The following CPVL variants were observed in gnomAD, a reference collection of about 807,000 sequenced individuals.
The protein encoded by CPVL is carboxypeptidase vitellogenic like.
Under a neutral mutation model 63.7 loss-of-function variants are expected in CPVL, and 51 were observed. The ratio of observed to expected loss-of-function variants is 0.80; its 90% CI spans 0.64 to 1.01. The LOEUF (loss-of-function observed/expected upper bound fraction) is 1.01, where lower values mean the gene tolerates loss of function less well. Among genes scored for constraint, CPVL ranks in the 50% least tolerant of loss-of-function variants. CPVL has a pLI of 0.00. For synonymous variants in CPVL, 195 were observed against 206.0 expected (o/e 0.95, Z 0.46); for missense variants, 530 against 573.1 (o/e 0.92, Z 0.77).
intron 3 of CPVL, among the ~76,000 whole-genome samples, chr7:29,108,206 TC>T (rs1787911899): frequency 6.6e-6 from 1 of 152,134 alleles, no homozygotes; most frequent in Admixed American, 6.5e-5. Flanking sequence ...CAAGGTGGGG[TC>T]CTCCGTGAAG....
chr7:29,063,998 A>C lies in CPVL; in HGVS notation c.1137+63T>G, dbSNP rs950714818. ...AAAAAAAAGGCAGGACTCAAATTAC[A>C]AATCACTTCTGCTCTGGGTAATCTG... On this transcript the variant is annotated intron_variant, in intron 11 of 12. Transcript: ENST00000265394. 6 of 1,194,382 alleles carry C rather than the reference A, an allele frequency of 5.0e-6. 1 individual carries two copies. The South Asian group carries it at 8.4e-5, about 17-fold the overall frequency. The allele number at this position is 1,194,382 out of a possible 1,614,324, so 74.0% of individuals were successfully genotyped here.
chr7:29,079,091 T>G (rs1190940095), intron 7 of CPVL, among the ~76,000 whole-genome samples: 1 of 152,186 alleles, frequency 6.6e-6, no homozygotes, highest in East Asian at 1.9e-4. Flanking sequence ...AACTTAATGA[T>G]CAAAGCCAAG....
At chr7:29,026,559 T>C (rs551974131) in intron 12 of CPVL, among the ~76,000 whole-genome samples, 1 of 151,874 alleles carries the variant, frequency 6.6e-6, no homozygotes, top group African/African-American at 2.4e-5. Flanking sequence ...AGCCTGTTTT[T>C]AAAAAAGATA....
intron 10 of CPVL, 127 bp downstream of exon 10, chr7:29,065,896 T>C: frequency 1.8e-6 from 1 of 552,744 alleles, no homozygotes; most frequent in Non-Finnish European, 3.2e-6. Context: ...GTAGACCACA[T>C]CACGCGGTAC....
chr7:29,160,119 G>T (rs1390568678), intron 5 of CPVL, among the ~76,000 whole-genome samples: 1 of 152,120 alleles, frequency 6.6e-6, no homozygotes, highest in Non-Finnish European at 1.5e-5. Flanking sequence ...ACTTTCCTAA[G>T]ATCAACATGG....
At chr7:29,071,715 C>CCA in intron 9 of CPVL, 58 bp downstream of exon 9, 1 of 750,700 alleles carries the variant, frequency 1.3e-6, no homozygotes, top group Non-Finnish European at 2.1e-6. Context: ...GCTCACCCGC[C>CCA]CTCCCTCCCC....
At chr7:29,098,361 G>C (rs554190453) in intron 3 of CPVL, among the ~76,000 whole-genome samples, 1 of 152,144 alleles carries the variant, frequency 6.6e-6, no homozygotes, top group Non-Finnish European at 1.5e-5. Context: ...TTTGGAAAGG[G>C]GCCCAGGGGG....
intron 11 of CPVL, among the ~76,000 whole-genome samples, chr7:29,047,994 A>T (rs2128170761): frequency 6.6e-6 from 1 of 152,344 alleles, no homozygotes; most frequent in East Asian, 1.9e-4. Flanking sequence ...ACAGATGCTG[A>T]GAGAATTCAC....
chr7:29,147,591 C>T (rs545449423), upstream of CPVL, among the ~76,000 whole-genome samples: 1 of 152,276 alleles, frequency 6.6e-6, no homozygotes, highest in South Asian at 2.1e-4. Flanking sequence ...GTGTAAATCA[C>T]CCAGCACAAA....
In CPVL at chr7:29,133,201, A is replaced by C. The variant is rs147658542; in HGVS notation, c.-10-12130T>G. On this transcript the variant is annotated intron_variant, in intron 1 of 12. Coordinates refer to ENST00000265394, the MANE Select transcript of CPVL (RefSeq NM_031311.5). ...TCAGCAGTTTCTGAAGGCAAAAAAA[A>C]AAAAAACAAAAAACGCTGTTTTCTT... 2.6e-3 allele frequency among the ~76,000 whole-genome samples: 401 copies of C among 152,204 alleles called. 3 individuals are homozygous for C. The highest frequency in any genetic ancestry group is 9.0e-3 in the African/African-American group (373 of 41,538).
At position 29,050,582 on chromosome 7, in the gene CPVL, C is replaced by A. The variant is rs150469034; in HGVS notation, c.1137+13479G>T. 3.9e-5 allele frequency among the ~76,000 whole-genome samples: 6 copies of A among 151,970 alleles called. No individual in the cohort carries two copies. The East Asian group carries it at 9.6e-4, about 24-fold the overall frequency. On this transcript the variant is annotated intron_variant, in intron 11 of 12. Coordinates refer to ENST00000265394, the MANE Select transcript of CPVL (RefSeq NM_031311.5). The stretch of plus-strand genomic sequence containing the variant: ...ACTACAAAACACTGCTGAAAGAAAT[C>A]ATAAATACAAATAAACAAGACAAAT...
At chr7:29,135,097 T>C (rs1332596945) in intron 1 of CPVL, among the ~76,000 whole-genome samples, 107 of 85,128 alleles carry the variant, frequency 1.3e-3, no homozygotes, top group South Asian at 5.2e-3. Flanking sequence ...GAGAGAGACC[T>C]TGCCTCAAAA....
intron 3 of CPVL, among the ~76,000 whole-genome samples, chr7:29,102,194 G>A (rs1787211564): frequency 1.3e-5 from 2 of 152,210 alleles, no homozygotes; most frequent in South Asian, 4.1e-4. Flanking sequence ...CTGTGTTTCA[G>A]CGTCCTCTGA....
At chr7:29,139,480 T>C (rs540362142) in intron 1 of CPVL, among the ~76,000 whole-genome samples, 2 of 151,814 alleles carry the variant, frequency 1.3e-5, no homozygotes, top group African/African-American at 4.8e-5. Context: ...AACCTACACA[T>C]TTCTGTCAGT....
At chr7:29,175,985 G>A (rs151036767) in intron 5 of CPVL, among the ~76,000 whole-genome samples, 3,164 of 152,228 alleles carry the variant, frequency 0.021, 47 homozygotes, top group Non-Finnish European at 0.029. Context: ...AGGAGATCAA[G>A]ACCATCCTGA....
chr7:29,119,212 G>A (rs1456485647), intron 2 of CPVL, among the ~76,000 whole-genome samples: 2 of 152,164 alleles, frequency 1.3e-5, no homozygotes, highest in East Asian at 3.9e-4. Context: ...CAGGGCCGGG[G>A]GCAGTGGCTC....
intron 1 of CPVL, among the ~76,000 whole-genome samples, chr7:29,137,972 T>C (rs563270283): frequency 2.8e-4 from 42 of 152,276 alleles, no homozygotes; most frequent in African/African-American, 9.4e-4. Flanking sequence ...AAGGGCTTGA[T>C]AATTTGAAAA....
At chr7:29,131,193 TA>T (rs201418465) in intron 1 of CPVL, among the ~76,000 whole-genome samples, 47 of 144,076 alleles carry the variant, frequency 3.3e-4, no homozygotes, top group African/African-American at 4.3e-4. Context: ...TAAACAAAAA[TA>T]AAAAAAAAAA....
intron 2 of CPVL, among the ~76,000 whole-genome samples, chr7:29,116,441 A>G (rs1788785376): frequency 6.6e-6 from 1 of 152,236 alleles, no homozygotes; most frequent in Non-Finnish European, 1.5e-5. Context: ...CAGCACCATG[A>G]CTCACAATAC....
Sources: allele counts gnomAD v4.1 joint callset (sites outside exome capture counted in the v4.1 genomes callset), GRCh38; gene constraint gnomAD v4.1.1; transcripts MANE v1.5; gene names NCBI Gene and HGNC (gene_info 2026-07-23, HGNC 2026-07-21).